Variants in ALDH1L1 observed in about 807,000 individuals in gnomAD.
ALDH1L1 encodes the protein cytosolic 10-formyltetrahydrofolate dehydrogenase.
A neutral mutation model predicts 101.1 loss-of-function variants in ALDH1L1; 68 were observed. The observed-to-expected ratio is 0.67, with a 90% CI of 0.55 to 0.82. The LOEUF (loss-of-function observed/expected upper bound fraction) is 0.82. Ranked by LOEUF, ALDH1L1 falls within the 40% of genes least tolerant of loss-of-function variation. The pLI, the probability that ALDH1L1 is intolerant of heterozygous loss-of-function variation, is 0.00. For missense variants in ALDH1L1, 1,087 were observed against 1,172.7 expected (o/e 0.93, Z 1.07); for synonymous variants, 486 against 470.8 (o/e 1.03, Z -0.42).
chr3:126,153,413 G>T, intron 7 of ALDH1L1, 31 bp downstream of exon 7: 1 of 1,611,192 alleles, frequency 6.2e-7, no homozygotes. Context: ...GTGGCTTTGA[G>T]CAGGCAAGTG....
intron 1 of ALDH1L1, among the ~76,000 whole-genome samples, chr3:126,178,843 G>C (rs2081415599): frequency 1.3e-5 from 2 of 151,902 alleles, no homozygotes; most frequent in African/African-American, 4.8e-5. Context: ...AAAGTTACTG[G>C]GTAAAGGGTT....
intron 1 of ALDH1L1, among the ~76,000 whole-genome samples, chr3:126,161,831 C>T (rs1241746412): frequency 6.6e-6 from 1 of 152,156 alleles, no homozygotes; most frequent in Non-Finnish European, 1.5e-5. Context: ...CCACTGTCAA[C>T]ACCACCAGAA....
intron 1 of ALDH1L1, among the ~76,000 whole-genome samples, chr3:126,196,704 G>T (rs562356699): frequency 1.6e-4 from 24 of 152,266 alleles, no homozygotes; most frequent in Admixed American, 6.5e-4. Context: ...AATTTTTAAA[G>T]GTAGCTCAGA....
At chr3:126,121,258 A>G (rs931949873) in intron 16 of ALDH1L1, among the ~76,000 whole-genome samples, 1 of 152,232 alleles carries the variant, frequency 6.6e-6, no homozygotes, top group African/African-American at 2.4e-5. Context: ...CGTAGCCTCC[A>G]GAGCTGCGCG....
intron 17 of ALDH1L1, among the ~76,000 whole-genome samples, chr3:126,116,865 T>C (rs938007614): frequency 3.4e-5 from 5 of 147,316 alleles, no homozygotes; most frequent in African/African-American, 1.3e-4. Context: ...CCAGGTCATA[T>C]TGTGGTTTAG....
chr3:126,158,362 G>A (rs2080959379), intron 3 of ALDH1L1, 43 bp downstream of exon 3: 1 of 1,478,566 alleles, frequency 6.8e-7, no homozygotes, highest in African/African-American at 1.4e-5. Flanking sequence ...CTGATGGAGG[G>A]ACATGTATGG....
At chr3:126,195,373 A>G (rs1379279401) in intron 1 of ALDH1L1, among the ~76,000 whole-genome samples, 2 of 152,346 alleles carry the variant, frequency 1.3e-5, no homozygotes, top group Non-Finnish European at 2.9e-5. Flanking sequence ...CTTTAGGCCA[A>G]TTAATTAGAG....
rs147304483 is a variant in ALDH1L1 at position 126,150,700 on chromosome 3, C to T, written c.859-169G>A. On this transcript the variant is annotated intron_variant, in intron 7 of 22. Coordinates refer to ENST00000393434, the MANE Select transcript of ALDH1L1 (RefSeq NM_012190.4). The stretch of plus-strand genomic sequence containing the variant: ...CCTCCTGAATAGCTGGGATTACAGG[C>T]GCGCACCACCATGCCCGACTAATTT... 1,659 of 698,136 alleles carry T rather than the reference C, an allele frequency of 2.4e-3. 15 individuals are homozygous for T. In the African/African-American group the frequency reaches 0.027, roughly 11 times the overall value. The allele number at this position is 698,136 out of a possible 1,614,324, so 43.2% of individuals were successfully genotyped here. A position where few individuals can be genotyped will look rare whatever the true frequency, so the allele number is the denominator to read the frequency against.
At position 126,155,489 on chromosome 3, in the gene ALDH1L1, C is replaced by A. The variant is rs1253068586; in HGVS notation, c.543G>T (p.Arg181Ser). ...EGIKGMVQAV[R>S]LIAEGKAPRL... The stretch of plus-strand genomic sequence containing the variant: ...TGGGGGCTTTGCCCTCAGCGATCAG[C>A]CTCACGGCCTGCACCTGGGGAGATC... Residue 181 changes from arginine (R) to serine (S), a missense_variant, in exon 5 of 23, where the codon AGG (arginine) becomes AGT (serine). Transcript: ENST00000393434. The A allele has an allele frequency of 1.9e-6, 3 of 1,612,250 alleles. No homozygotes were observed. Among genetic ancestry groups the A allele is most frequent in the African/African-American group, 2.7e-5 (2 of 74,930 alleles).
upstream of ALDH1L1, among the ~76,000 whole-genome samples, chr3:126,185,364 C>G (rs1107365): frequency 0.054 from 8,294 of 152,324 alleles, 278 homozygotes; most frequent in African/African-American, 0.081. Context: ...GGTGTCTCTA[C>G]TCCAGGTGCT....
chr3:126,184,708 GGATGGGATA>G (rs1427859330), upstream of ALDH1L1, among the ~76,000 whole-genome samples: 2 of 152,334 alleles, frequency 1.3e-5, no homozygotes, highest in African/African-American at 4.8e-5. Context: ...TGTGAATGGG[GGATGGGATA>G]GACATGGGTT....
chr3:126,160,389 A>T lies in ALDH1L1; in HGVS notation c.127+464T>A, dbSNP rs80272064. 282 of 155,776 alleles carry T rather than the reference A, an allele frequency of 1.8e-3. 4 individuals carry two copies. The East Asian group carries it at 0.042, about 23-fold the overall frequency. 9.6% of individuals were successfully genotyped at this position (155,776 alleles called of 1,614,324 possible). On this transcript the variant is annotated intron_variant, in intron 2 of 22. Transcript: ENST00000393434. ...GCACATCCAGAGTACAATGGAGAAG[A>T]CTCGCCCTGGGAAAACCACCTTTGT...
chr3:126,186,522 A>ACCCT (rs1283273791), upstream of ALDH1L1, among the ~76,000 whole-genome samples: 4 of 147,746 alleles, frequency 2.7e-5, no homozygotes, highest in African/African-American at 4.9e-5. Flanking sequence ...CCTGACCCTG[A>ACCCT]GCCTGAGGGC....
At chr3:126,108,830 A>C (rs1945977906) in intron 20 of ALDH1L1, among the ~76,000 whole-genome samples, 1 of 152,326 alleles carries the variant, frequency 6.6e-6, no homozygotes, top group African/African-American at 2.4e-5. Context: ...AGTCAGGCAC[A>C]GATCATGAAG....
At chr3:126,124,247 G>A (rs924840656) in intron 16 of ALDH1L1, 117 bp downstream of exon 16, 13 of 902,596 alleles carry the variant, frequency 1.4e-5, no homozygotes, top group South Asian at 5.8e-5. Flanking sequence ...GCTGGCCCCC[G>A]CCTGGGCTCT....
At chr3:126,156,350 G>A (rs749342730) in intron 4 of ALDH1L1, 6 of 152,226 alleles carry the variant, frequency 3.9e-5, no homozygotes, top group Non-Finnish European at 7.3e-5. Context: ...CTATTTTTGT[G>A]AGCTGGTCAA....
At chr3:126,154,424 C>A in intron 6 of ALDH1L1, 130 bp downstream of exon 6, 1 of 907,732 alleles carries the variant, frequency 1.1e-6, no homozygotes, top group Non-Finnish European at 1.7e-6. Context: ...GTTTAGGGGG[C>A]ACCCAGTGGG....
chr3:126,144,615 T>C lies in ALDH1L1; in HGVS notation c.1076+2220A>G, dbSNP rs547300711. On this transcript the variant is annotated intron_variant, in intron 9 of 22. Transcript: ENST00000393434. ...ACATAATGGGGAAGCGATAGTCCCT[T>C]CAACAAGTGATGTTGGAAAGATTGG... Among the ~76,000 whole-genome samples, 321 of 152,330 alleles carry C rather than the reference T, an allele frequency of 2.1e-3. 1 individual carries two copies. Among genetic ancestry groups the C allele is most frequent in the Non-Finnish European group, 3.6e-3 (248 of 68,024 alleles).
chr3:126,121,878 C>T (rs1000854648), intron 16 of ALDH1L1, among the ~76,000 whole-genome samples: 6 of 152,222 alleles, frequency 3.9e-5, no homozygotes, highest in African/African-American at 1.4e-4. Flanking sequence ...CCTCTCATTT[C>T]TGCCAACTCT....
Sources: allele counts gnomAD v4.1 joint callset (sites outside exome capture counted in the v4.1 genomes callset), GRCh38; gene constraint gnomAD v4.1.1; transcripts MANE v1.5; gene names NCBI Gene and HGNC (gene_info 2026-07-23, HGNC 2026-07-21).